DNMT3B: variants seen among roughly 807,000 people sequenced by gnomAD.
DNMT3B encodes DNA (cytosine-5)-methyltransferase 3B.
DNMT3B carries 37 observed loss-of-function variants against 120.2 expected under a neutral mutation model. The observed-to-expected ratio is 0.31, with a 90% CI of 0.24 to 0.40. The LOEUF (loss-of-function observed/expected upper bound fraction) is 0.40, where lower values mean the gene tolerates loss of function less well. Ranked by LOEUF, DNMT3B falls within the 10% of genes least tolerant of loss-of-function variation. The pLI, the probability that DNMT3B is intolerant of heterozygous loss-of-function variation, is 1.00. For missense variants in DNMT3B, 878 were observed against 1,137.3 expected (o/e 0.77, Z 3.28); for synonymous variants, 412 against 442.8 (o/e 0.93, Z 0.87).
At chr20:32,791,907 T>TA (rs969152215) in intron 8 of DNMT3B, among the ~76,000 whole-genome samples, 199 bp downstream of exon 8, 5 of 152,198 alleles carry the variant, frequency 3.3e-5, no homozygotes, top group African/African-American at 1.2e-4. Context: ...AGCTGCCACT[T>TA]ATTGGGACCA....
chr20:32,783,874 C>T (rs1160933201), intron 3 of DNMT3B, among the ~76,000 whole-genome samples: 1 of 151,554 alleles, frequency 6.6e-6, no homozygotes, highest in African/African-American at 2.4e-5. Context: ...TACAGGCGTG[C>T]ACCACCATGC....
rs1218827626 is a variant in DNMT3B, at chr20:32,797,348, C to G, written c.1490+49C>G. ...GGATGTGGGTGGGCCCCCAAGGCTCCTACGTTCCTGCAGTCTGCAGACAGC... is the reference window on the plus strand; with the variant it reads ...GGATGTGGGTGGGCCCCCAAGGCTCGTACGTTCCTGCAGTCTGCAGACAGC... On this transcript the variant is annotated intron_variant, in intron 14 of 22. Transcript: ENST00000328111. 3.2e-6 allele frequency: 5 copies of G among 1,570,336 alleles called. No individual in the cohort carries two copies. In the East Asian group the frequency reaches 9.0e-5, roughly 28 times the overall value.
intron 10 of DNMT3B, among the ~76,000 whole-genome samples, chr20:32,794,044 G>A (rs1014836732): frequency 3.3e-5 from 5 of 152,024 alleles, no homozygotes; most frequent in Non-Finnish European, 7.4e-5. Flanking sequence ...AAAGTGCTGG[G>A]CTCAGTGGCT....
At chr20:32,788,806 A>G (rs768933791) in intron 6 of DNMT3B, 48 bp from the exon 7 acceptor site, 7 of 1,613,652 alleles carry the variant, frequency 4.3e-6, no homozygotes, top group Non-Finnish European at 5.9e-6. Flanking sequence ...GACTTGGCCC[A>G]GGATGGCCTC....
At chr20:32,765,743 A>ATT (rs776698424) in intron 1 of DNMT3B, among the ~76,000 whole-genome samples, 1 of 89,646 alleles carries the variant, frequency 1.1e-5, no homozygotes, top group Admixed American at 1.2e-4. Flanking sequence ...TTATTTATTT[A>ATT]TTTTTTCTTT....
chr20:32,773,923 G>A (rs1319864145), intron 1 of DNMT3B, among the ~76,000 whole-genome samples: 12 of 134,378 alleles, frequency 8.9e-5, no homozygotes, highest in Non-Finnish European at 1.5e-4. Flanking sequence ...GAGCCACTGC[G>A]CCCGGCAGTG....
Position 32,784,353 on chromosome 20 carries a change from G to A in DNMT3B, c.205-405G>A, listed in dbSNP as rs1979001243. Among the ~76,000 whole-genome samples, 3 of 152,206 alleles carry A rather than the reference G, an allele frequency of 2.0e-5. No individual in the cohort carries two copies. In the South Asian group the frequency reaches 6.2e-4, roughly 31 times the overall value. On this transcript the variant is annotated intron_variant, in intron 3 of 22. Transcript: ENST00000328111. ...CCCTGCATATTATTTGATTCTTGAT[G>A]TAACCCTGTTGTGCTATGAGGGAAG...
At chr20:32,788,801 G>C (rs1011386107) in intron 6 of DNMT3B, 53 bp from the exon 7 acceptor site, 1 of 1,611,692 alleles carries the variant, frequency 6.2e-7, no homozygotes, top group Non-Finnish European at 8.5e-7. Flanking sequence ...GACAGGACTT[G>C]GCCCAGGATG....
At chr20:32,806,024 C>T (rs1981937910) in intron 21 of DNMT3B, among the ~76,000 whole-genome samples, 185 bp from the exon 22 acceptor site, 1 of 152,082 alleles carries the variant, frequency 6.6e-6, no homozygotes, top group Non-Finnish European at 1.5e-5. Flanking sequence ...CGCTCCCTGC[C>T]CTGCCATTCC....
chr20:32,800,026 T>A, intron 16 of DNMT3B, 127 bp from the exon 17 acceptor site: 1 of 1,399,732 alleles, frequency 7.1e-7, no homozygotes, highest in Non-Finnish European at 1.0e-6. Flanking sequence ...TGTACAGCCT[T>A]TGCTGGATTG....
At chr20:32,797,972 G>T (rs2146025185) in intron 14 of DNMT3B, among the ~76,000 whole-genome samples, 1 of 152,122 alleles carries the variant, frequency 6.6e-6, no homozygotes, top group South Asian at 2.1e-4. Context: ...CACCGTGCCT[G>T]GCCTATTTTT....
intron 3 of DNMT3B, among the ~76,000 whole-genome samples, chr20:32,783,245 A>G (rs1978840892): frequency 1.3e-5 from 2 of 152,192 alleles, no homozygotes; most frequent in South Asian, 4.1e-4. Context: ...TTCTTTAAAT[A>G]TATCTATGGT....
intron 1 of DNMT3B, among the ~76,000 whole-genome samples, chr20:32,776,505 T>A (rs907955114): frequency 6.6e-6 from 1 of 152,144 alleles, no homozygotes; most frequent in Non-Finnish European, 1.5e-5. Flanking sequence ...ACACACCTGA[T>A]GCTAATTTAA....
chr20:32,769,589 G>C (rs111835554), intron 1 of DNMT3B, among the ~76,000 whole-genome samples: 4 of 152,084 alleles, frequency 2.6e-5, no homozygotes, highest in African/African-American at 7.2e-5. Context: ...TTTGAAAAGT[G>C]GTTTTTATGT....
Position 32,780,219 on chromosome 20 carries a change from G to A in DNMT3B, c.-6-99G>A, listed in dbSNP as rs879121054. On this transcript the variant is annotated intron_variant, in intron 1 of 22. Transcript: ENST00000328111. ...AGCATCACCCTAAGAATGCATCCTG[G>A]GGCCTTGGCCTGAGAACACAGAGCC... 62 of 1,612,968 alleles carry A rather than the reference G, an allele frequency of 3.8e-5. No homozygotes were observed. The South Asian group carries it at 6.7e-4, about 17-fold the overall frequency.
chr20:32,773,934 G>GTTTTTTTTTTTTTTTTT lies in DNMT3B; in HGVS notation c.-6-6374_-6-6358dup, dbSNP rs1161730284. Among the ~76,000 whole-genome samples the GTTTTTTTTTTTTTTTTT allele has an allele frequency of 1.0e-4, 7 of 69,152 alleles. 3 individuals are homozygous for GTTTTTTTTTTTTTTTTT. The highest frequency in any genetic ancestry group is 4.6e-4 in the African/African-American group (7 of 15,076). The allele number at this position is 69,152 out of a possible 152,430, so 45.4% of individuals were successfully genotyped here. On this transcript the variant is annotated intron_variant, in intron 1 of 22. Coordinates refer to ENST00000328111, the MANE Select transcript of DNMT3B (RefSeq NM_006892.4). ...GCATGAGCCACTGCGCCCGGCAGTG[G>GTTTTTTTTTTTTTTTTT]TTTTTTTTTTTTTTTTTTTTTTTTT...
chr20:32,774,400 G>A (rs1199331983), intron 1 of DNMT3B, among the ~76,000 whole-genome samples: 4 of 151,654 alleles, frequency 2.6e-5, no homozygotes, highest in African/African-American at 7.3e-5. Context: ...TAGTAGAGAC[G>A]GGGTTTCATC....
At chr20:32,780,577 C>G in intron 2 of DNMT3B, 112 bp downstream of exon 2, 2 of 1,493,466 alleles carry the variant, frequency 1.3e-6, no homozygotes, top group Admixed American at 2.0e-5. Context: ...CACAATTCCC[C>G]GGGAGGGAAG....
In DNMT3B at chr20:32,780,480, G is replaced by A; in HGVS notation, c.142+15G>A. 1 of 1,610,644 alleles carries A rather than the reference G, an allele frequency of 6.2e-7. No individual in the cohort carries two copies. Among genetic ancestry groups the A allele is most frequent in the Non-Finnish European group, 8.5e-7 (1 of 1,179,900 alleles). ...GGAGATCAGAGGTGGCTGGGCAGTG[G>A]GGACTGGGGTGGTGTCAGGCGCTGA... On this transcript the variant is annotated intron_variant, in intron 2 of 22. Transcript: ENST00000328111.
Sources: gnomAD v4.1 joint callset for allele counts (sites outside exome capture counted in the v4.1 genomes callset) on GRCh38, gnomAD v4.1.1 for gene constraint, MANE v1.5 for transcripts, NCBI Gene and HGNC (gene_info 2026-07-23, HGNC 2026-07-21) for gene names.